The following RNF150 variants were observed in gnomAD, a reference collection of about 807,000 sequenced individuals.
RNF150 encodes the protein ring finger protein 150.
RNF150 carries 24 observed loss-of-function variants against 39.3 expected under a neutral mutation model. The observed-to-expected ratio is 0.61, with a 90% CI of 0.44 to 0.86. The LOEUF (loss-of-function observed/expected upper bound fraction) is 0.86, where lower values mean the gene tolerates loss of function less well. RNF150 is among the 40% of genes least tolerant of loss of function. The probability of loss-of-function intolerance (pLI) is 0.00; values close to 1 mark genes in which losing one functional copy is unlikely to be tolerated. For missense variants in RNF150, 502 were observed against 587.8 expected, an observed-to-expected ratio of 0.85 and a Z score of 1.51; for synonymous variants, 255 against 227.3, an observed-to-expected ratio of 1.12 and a Z score of -1.10.
At chr4:141,161,728 A>G (rs532120234) in intron 1 of RNF150, among the ~76,000 whole-genome samples, 6 of 152,198 alleles carry the variant, frequency 3.9e-5, no homozygotes, top group Non-Finnish European at 7.4e-5. Flanking sequence ...TAGCTGCTCC[A>G]TCTCTAGCTG....
At chr4:141,135,220 AC>A (rs1309618307), upstream of RNF150, among the ~76,000 whole-genome samples, 1 of 152,250 alleles carries the variant, frequency 6.6e-6, no homozygotes, top group Admixed American at 6.5e-5. Context: ...TTTTTCAAAA[AC>A]TATATGTATA....
chr4:140,932,451 A>C (rs1332746327), intron 4 of RNF150, among the ~76,000 whole-genome samples: 1 of 152,218 alleles, frequency 6.6e-6, no homozygotes, highest in Admixed American at 6.5e-5. Context: ...TCATTAAAGT[A>C]AATTATCTGA....
chr4:141,050,325 T>C (rs913421524), intron 1 of RNF150, among the ~76,000 whole-genome samples: 2 of 152,146 alleles, frequency 1.3e-5, no homozygotes, highest in African/African-American at 4.8e-5. Flanking sequence ...ATTCCACTCC[T>C]GGCCCCTCCC....
chr4:141,141,254 T>G (rs181299665), intron 1 of RNF150, among the ~76,000 whole-genome samples: 5 of 152,322 alleles, frequency 3.3e-5, no homozygotes, highest in Non-Finnish European at 5.9e-5. Context: ...TTCTGTAAAA[T>G]GAAGGTGTTG....
intron 1 of RNF150, among the ~76,000 whole-genome samples, chr4:141,189,337 C>T (rs1329426368): frequency 6.6e-6 from 1 of 152,164 alleles, no homozygotes; most frequent in African/African-American, 2.4e-5. Context: ...TCTGTCAAAC[C>T]CTGCTGGGAG....
At chr4:141,053,412 C>G (rs189465058) in intron 1 of RNF150, among the ~76,000 whole-genome samples, 7 of 152,032 alleles carry the variant, frequency 4.6e-5, no homozygotes, top group Non-Finnish European at 1.0e-4. Context: ...ATAAGAAAAA[C>G]TAGGATCATT....
chr4:141,016,437 T>A (rs1400243437), intron 1 of RNF150, among the ~76,000 whole-genome samples: 1 of 145,178 alleles, frequency 6.9e-6, no homozygotes, highest in Non-Finnish European at 1.5e-5. Flanking sequence ...TAGCATGTCA[T>A]TAAAAGCAGG....
At chr4:140,976,377 C>G (rs1156357358) in intron 1 of RNF150, among the ~76,000 whole-genome samples, 1 of 152,020 alleles carries the variant, frequency 6.6e-6, no homozygotes, top group Non-Finnish European at 1.5e-5. Context: ...TAACTCCTAG[C>G]TCACAATATT....
chr4:141,129,679 C>T (rs557705422), intron 1 of RNF150, among the ~76,000 whole-genome samples: 73 of 152,254 alleles, frequency 4.8e-4, no homozygotes, highest in African/African-American at 1.8e-3. Context: ...AACTACTGGT[C>T]TATCCCAGGA....
chr4:141,045,473 T>G (rs1043724207), intron 1 of RNF150, among the ~76,000 whole-genome samples: 4 of 152,208 alleles, frequency 2.6e-5, no homozygotes, highest in African/African-American at 9.6e-5. Flanking sequence ...GTTTACTGAC[T>G]CTTTTAAATT....
At chr4:141,136,335 ACTTACT>A (rs768510584), upstream of RNF150, among the ~76,000 whole-genome samples, 6 of 152,038 alleles carry the variant, frequency 3.9e-5, no homozygotes, top group South Asian at 2.1e-4. Flanking sequence ...TCTTTCTGCA[ACTTACT>A]CTTAAATGGT....
intron 1 of RNF150, among the ~76,000 whole-genome samples, chr4:141,029,223 C>T (rs1735833079): frequency 6.6e-6 from 1 of 152,172 alleles, no homozygotes; most frequent in Admixed American, 6.5e-5. Flanking sequence ...AGGTTCTATA[C>T]AGGTTACTTG....
intron 6 of RNF150, among the ~76,000 whole-genome samples, chr4:140,909,400 A>T (rs1560959713): frequency 6.6e-6 from 1 of 152,114 alleles, no homozygotes; most frequent in Non-Finnish European, 1.5e-5. Flanking sequence ...TATTGTCTTA[A>T]TAGTTTTAAA....
chr4:140,928,318 C>T (rs1560972029), intron 4 of RNF150, among the ~76,000 whole-genome samples: 1 of 151,628 alleles, frequency 6.6e-6, no homozygotes, highest in Non-Finnish European at 1.5e-5. Context: ...GAAGGGCTCC[C>T]TAACAAAGTG....
At chr4:141,026,894 C>T (rs1735716885) in intron 1 of RNF150, among the ~76,000 whole-genome samples, 1 of 152,080 alleles carries the variant, frequency 6.6e-6, no homozygotes, top group Admixed American at 6.6e-5. Flanking sequence ...TAGTAAGCAA[C>T]ATAGTAAGTA....
intron 1 of RNF150, among the ~76,000 whole-genome samples, chr4:140,991,267 T>C (rs1228064560): frequency 1.3e-5 from 2 of 152,204 alleles, no homozygotes; most frequent in Non-Finnish European, 2.9e-5. Flanking sequence ...GATGGACAGA[T>C]TGCAAAAATT....
chr4:140,916,971 C>A (rs1433993956), intron 5 of RNF150, among the ~76,000 whole-genome samples: 1 of 152,086 alleles, frequency 6.6e-6, no homozygotes, highest in Non-Finnish European at 1.5e-5. Flanking sequence ...GAAATAAAAT[C>A]CTTTACAGAC....
intron 1 of RNF150, among the ~76,000 whole-genome samples, chr4:141,034,261 T>C (rs981537152): frequency 1.3e-5 from 2 of 152,192 alleles, no homozygotes; most frequent in Non-Finnish European, 2.9e-5. Context: ...CATCATGAAC[T>C]AGCCTCTGCT....
chr4:141,034,179 T>G (rs1736056930), intron 1 of RNF150, among the ~76,000 whole-genome samples: 1 of 152,218 alleles, frequency 6.6e-6, no homozygotes, highest in Non-Finnish European at 1.5e-5. Context: ...GAAAACTTGT[T>G]GTGGCTTCTT....
Sources: gnomAD v4.1 joint callset for allele counts (sites outside exome capture counted in the v4.1 genomes callset) on GRCh38, gnomAD v4.1.1 for gene constraint, MANE v1.5 for transcripts, NCBI Gene and HGNC (gene_info 2026-07-23, HGNC 2026-07-21) for gene names.